Variants in GMDS observed in about 807,000 individuals in gnomAD.
GMDS encodes GDP-mannose 4,6-dehydratase, also known as GDP-mannose 4,6 dehydratase.
GMDS carries 20 observed loss-of-function variants against 49.9 expected under a neutral mutation model. The ratio of observed to expected loss-of-function variants is 0.40; its 90% CI spans 0.28 to 0.58. The LOEUF (loss-of-function observed/expected upper bound fraction) is 0.58. Ranked by LOEUF, GMDS falls within the 20% of genes least tolerant of loss-of-function variation. The pLI is 0.42. For synonymous variants in GMDS, 177 were observed against 178.6 expected (o/e 0.99, Z 0.07); for missense variants, 362 against 481.4 (o/e 0.75, Z 2.32).
At chr6:1,886,017 A>G (rs1275972005) in intron 7 of GMDS, among the ~76,000 whole-genome samples, 2 of 152,208 alleles carry the variant, frequency 1.3e-5, no homozygotes, top group Non-Finnish European at 2.9e-5. Context: ...CATGCTATTC[A>G]ATCTGAATGT....
chr6:2,088,501 C>A (rs1253227103), intron 4 of GMDS, among the ~76,000 whole-genome samples: 3 of 152,302 alleles, frequency 2.0e-5, no homozygotes, highest in African/African-American at 7.2e-5. Context: ...CTCACACATT[C>A]TTCCAGTCTC....
At chr6:1,668,225 T>C (rs144405011) in intron 9 of GMDS, among the ~76,000 whole-genome samples, 102 of 152,360 alleles carry the variant, frequency 6.7e-4, no homozygotes, top group African/African-American at 2.3e-3. Flanking sequence ...ACTTTGTGGC[T>C]GAGTTTCCAA....
At chr6:1,826,859 G>A (rs1771134139) in intron 7 of GMDS, among the ~76,000 whole-genome samples, 1 of 151,998 alleles carries the variant, frequency 6.6e-6, no homozygotes, top group Non-Finnish European at 1.5e-5. Context: ...TTGAGGCCAG[G>A]AGTTTGAGAG....
intron 1 of GMDS, among the ~76,000 whole-genome samples, chr6:2,152,547 T>C (rs1163417618): frequency 6.6e-6 from 1 of 152,096 alleles, no homozygotes; most frequent in African/African-American, 2.4e-5. Flanking sequence ...GTTAACAAGA[T>C]ATTAATAGGA....
rs987034838 is a variant in GMDS at position 1,824,023 on chromosome 6, T to C, written c.772-81437A>G. On this transcript the variant is annotated intron_variant, in intron 7 of 10. Transcript: ENST00000380815. ...ACGGGCCTCCTCCTAAGAACATCCCTTCTCCTGTGTCTCCTGTGTGCTTAT... is the reference window on the plus strand; with the variant it reads ...ACGGGCCTCCTCCTAAGAACATCCCCTCTCCTGTGTCTCCTGTGTGCTTAT... Among the ~76,000 whole-genome samples the C allele has an allele frequency of 2.0e-5, 3 of 152,078 alleles. No homozygotes were observed. In the East Asian group the frequency reaches 5.8e-4, roughly 29 times the overall value.
chr6:2,196,329 T>C (rs1299805665), intron 1 of GMDS, among the ~76,000 whole-genome samples: 1 of 152,202 alleles, frequency 6.6e-6, no homozygotes, highest in Non-Finnish European at 1.5e-5. Flanking sequence ...TTAATTAGAC[T>C]CTACAAGTTT....
intron 1 of GMDS, among the ~76,000 whole-genome samples, chr6:2,187,517 T>C (rs772060469): frequency 6.6e-5 from 10 of 152,004 alleles, no homozygotes; most frequent in Non-Finnish European, 7.4e-5. Flanking sequence ...TAGAAAAAAT[T>C]TACATTGAGA....
chr6:2,075,300 T>C (rs1772265591), intron 4 of GMDS, among the ~76,000 whole-genome samples: 1 of 152,168 alleles, frequency 6.6e-6, no homozygotes, highest in African/African-American at 2.4e-5. Context: ...CTTTAAGTTT[T>C]AGGGTACATG....
intron 7 of GMDS, among the ~76,000 whole-genome samples, chr6:1,826,886 G>A (rs1771135477): frequency 6.6e-6 from 1 of 151,876 alleles, no homozygotes; most frequent in African/African-American, 2.4e-5. Flanking sequence ...GTGCAGCATA[G>A]TGACACTCTC....
At chr6:2,142,219 T>C (rs969375054) in intron 1 of GMDS, among the ~76,000 whole-genome samples, 6 of 152,094 alleles carry the variant, frequency 3.9e-5, no homozygotes, top group Admixed American at 2.0e-4. Context: ...TAAATAACAA[T>C]AACAACAATA....
chr6:1,940,807 A>C (rs888137360), intron 6 of GMDS, among the ~76,000 whole-genome samples: 1 of 152,250 alleles, frequency 6.6e-6, no homozygotes, highest in African/African-American at 2.4e-5. Context: ...AGATAATTCA[A>C]ATTTGTAAGT....
At chr6:1,707,920 G>A (rs1357372587) in intron 9 of GMDS, among the ~76,000 whole-genome samples, 1 of 152,138 alleles carries the variant, frequency 6.6e-6, no homozygotes, top group Non-Finnish European at 1.5e-5. Flanking sequence ...ACGCTTTCTG[G>A]GAGAAAAAGG....
intron 1 of GMDS, among the ~76,000 whole-genome samples, chr6:2,208,907 G>A (rs1026332081): frequency 6.7e-6 from 1 of 150,232 alleles, no homozygotes; most frequent in Non-Finnish European, 1.5e-5. Context: ...AGTAGCACAG[G>A]TAACAACTAC....
At chr6:2,153,812 G>A (rs1164429375) in intron 1 of GMDS, among the ~76,000 whole-genome samples, 2 of 152,010 alleles carry the variant, frequency 1.3e-5, no homozygotes, top group East Asian at 1.9e-4. Flanking sequence ...AAAAATGTAC[G>A]ACAAGTTATA....
At chr6:1,971,645 ACT>A (rs1171457587) in intron 4 of GMDS, among the ~76,000 whole-genome samples, 1 of 152,040 alleles carries the variant, frequency 6.6e-6, no homozygotes, top group Non-Finnish European at 1.5e-5. Flanking sequence ...GCTCCCAGTG[ACT>A]CTGATGAGAG....
chr6:2,222,422 G>A (rs1189853183), intron 1 of GMDS, among the ~76,000 whole-genome samples: 2 of 152,056 alleles, frequency 1.3e-5, no homozygotes, highest in African/African-American at 4.8e-5. Context: ...CGACCCTTTG[G>A]CCCAAATGTC....
intron 4 of GMDS, among the ~76,000 whole-genome samples, chr6:1,995,043 G>A (rs748577653): frequency 5.9e-5 from 9 of 152,086 alleles, no homozygotes; most frequent in Non-Finnish European, 1.2e-4. Context: ...ACAACACAGA[G>A]GCAGTAACCT....
At chr6:1,950,446 T>G (rs1317595477) in intron 6 of GMDS, among the ~76,000 whole-genome samples, 2 of 152,232 alleles carry the variant, frequency 1.3e-5, no homozygotes, top group Non-Finnish European at 2.9e-5. Flanking sequence ...AAACCCATCT[T>G]GACTTGGCTC....
At chr6:1,849,562 CT>C (rs1471894428) in intron 7 of GMDS, among the ~76,000 whole-genome samples, 3 of 152,138 alleles carry the variant, frequency 2.0e-5, no homozygotes, top group Admixed American at 6.5e-5. Flanking sequence ...AATGTGAAGG[CT>C]TTTTATTTGG....
Sources: gnomAD v4.1 joint callset for allele counts (sites outside exome capture counted in the v4.1 genomes callset) on GRCh38, gnomAD v4.1.1 for gene constraint, MANE v1.5 for transcripts, NCBI Gene and HGNC (gene_info 2026-07-23, HGNC 2026-07-21) for gene names.